Variants in RYR3 observed in about 807,000 individuals in gnomAD.
The protein encoded by RYR3 is brain ryanodine receptor-calcium release channel.
A neutral mutation model predicts 584.3 loss-of-function variants in RYR3; 207 were observed. That is an observed-to-expected ratio of 0.35 (90% CI 0.32 to 0.40). The LOEUF is 0.40. RYR3 is among the 10% of genes least tolerant of loss of function. The pLI, the probability that RYR3 is intolerant of heterozygous loss-of-function variation, is 1.00. For synonymous variants in RYR3, 2,416 were observed against 2,248.5 expected, an observed-to-expected ratio of 1.07 and a Z score of -2.11; for missense variants, 5,616 against 6,089.2, an observed-to-expected ratio of 0.92 and a Z score of 2.59.
chr15:33,445,194 G>GT lies in RYR3; in HGVS notation c.52-28224dup, dbSNP rs569963787. 7.2e-5 allele frequency among the ~76,000 whole-genome samples: 11 copies of GT among 152,322 alleles called. No homozygotes were observed. In the East Asian group the frequency reaches 1.9e-3, roughly 27 times the overall value. ...CACTGCAGTGGTCAGAGCAGAGGTG[G>GT]TGAGAGCTTGGGCTAGAGACTTAGC... On this transcript the variant is annotated intron_variant, in intron 1 of 103. Transcript: ENST00000634891.
intron 1 of RYR3, among the ~76,000 whole-genome samples, chr15:33,459,938 T>A (rs867784851): frequency 1.3e-5 from 2 of 152,284 alleles, no homozygotes; most frequent in Middle Eastern, 3.4e-3. Flanking sequence ...CAAATTCTAG[T>A]CTCGGTTACA....
At chr15:33,630,074 A>C (rs756394805) in intron 22 of RYR3, 31 bp downstream of exon 22, 3 of 1,213,752 alleles carry the variant, frequency 2.5e-6, no homozygotes. Flanking sequence ...AAGTTTTACA[A>C]ACAATGAATA....
chr15:33,587,679 T>A (rs1712491450), intron 16 of RYR3, among the ~76,000 whole-genome samples: 1 of 152,250 alleles, frequency 6.6e-6, no homozygotes, highest in South Asian at 2.1e-4. Context: ...AATGTGATCT[T>A]GGTACATAAG....
intron 2 of RYR3, among the ~76,000 whole-genome samples, chr15:33,484,882 G>T (rs970413997): frequency 7.9e-5 from 12 of 152,154 alleles, no homozygotes; most frequent in African/African-American, 2.9e-4. Flanking sequence ...TGACTTAAGA[G>T]TTCAAAAGAG....
intron 32 of RYR3, among the ~76,000 whole-genome samples, chr15:33,653,275 A>G (rs1398120912): frequency 6.6e-6 from 1 of 152,232 alleles, no homozygotes; most frequent in African/African-American, 2.4e-5. Context: ...AAACTTCTGT[A>G]CTCAAAATAG....
At position 33,588,464 on chromosome 15, in the gene RYR3, T is replaced by C. The variant is rs2058965789; in HGVS notation, c.1788+2348T>C. ...CCCTAGAAAGCATTTCCTTTGCTTTTTTTATTTATAAAAAAATAAGGGGTA... is the reference window on the plus strand; with the variant it reads ...CCCTAGAAAGCATTTCCTTTGCTTTCTTTATTTATAAAAAAATAAGGGGTA... On this transcript the variant is annotated intron_variant, in intron 16 of 103. Transcript: ENST00000634891. 1.3e-5 allele frequency among the ~76,000 whole-genome samples: 2 copies of C among 152,234 alleles called. 1 individual carries two copies. The highest frequency in any genetic ancestry group is 4.1e-4 in the South Asian group (2 of 4,826).
intron 18 of RYR3, among the ~76,000 whole-genome samples, chr15:33,606,613 C>T (rs1431395688): frequency 6.6e-6 from 1 of 152,170 alleles, no homozygotes; most frequent in Non-Finnish European, 1.5e-5. Flanking sequence ...TCTAACCCTC[C>T]CTACAGAGTC....
rs770626822 is a variant in RYR3 at position 33,830,984 on chromosome 15, T to C, written c.11356T>C (p.Trp3786Arg). 2 of 1,613,530 alleles carry C rather than the reference T, an allele frequency of 1.2e-6. No individual in the cohort carries two copies. The highest frequency in any genetic ancestry group is 1.7e-6 in the Non-Finnish European group (2 of 1,179,720). ...TTAGGAATCAATCAGTGATTTCTACTGGTATTATTCAGGGAAGGACATCAT... is the reference window on the plus strand; with the variant it reads ...TTAGGAATCAATCAGTGATTTCTACCGGTATTATTCAGGGAAGGACATCAT... ...RLQESISDFY[W>R]YYSGKDIIDE... Residue 3786 changes from tryptophan to arginine, a missense_variant, in exon 86 of 104, where the codon TGG becomes CGG. Physicochemically the swap from Trp to Arg is moderately radical, Grantham distance 101. Coordinates refer to ENST00000634891, the MANE Select transcript of RYR3 (RefSeq NM_001036.6).
intron 3 of RYR3, among the ~76,000 whole-genome samples, chr15:33,514,633 A>G (rs1363875001): frequency 6.7e-6 from 1 of 149,684 alleles, no homozygotes; most frequent in African/African-American, 2.5e-5. Context: ...TTTACACCTT[A>G]TATCTTCATA....
At chr15:33,823,875 A>G (rs1222021657) in intron 81 of RYR3, among the ~76,000 whole-genome samples, 1 of 152,192 alleles carries the variant, frequency 6.6e-6, no homozygotes, top group Non-Finnish European at 1.5e-5. Flanking sequence ...CTTTCCATTT[A>G]AAAATGTGGA....
chr15:33,508,421 G>A (rs1248420815), intron 3 of RYR3, among the ~76,000 whole-genome samples: 2 of 151,928 alleles, frequency 1.3e-5, no homozygotes, highest in South Asian at 4.2e-4. Flanking sequence ...AGGCTGAGGC[G>A]GGCGGATCAC....
intron 9 of RYR3, among the ~76,000 whole-genome samples, chr15:33,548,699 C>G (rs2056438872): frequency 6.6e-6 from 1 of 152,114 alleles, no homozygotes; most frequent in African/African-American, 2.4e-5. Context: ...CAGTTTTGTC[C>G]CTTGGTGGAA....
chr15:33,629,106 C>T (rs1400952231), intron 21 of RYR3, among the ~76,000 whole-genome samples: 1 of 152,218 alleles, frequency 6.6e-6, no homozygotes, highest in Non-Finnish European at 1.5e-5. Context: ...CTGACAGGGT[C>T]TCTGCACTCC....
intron 16 of RYR3, among the ~76,000 whole-genome samples, chr15:33,599,371 G>T (rs1393859307): frequency 2.0e-5 from 3 of 152,150 alleles, no homozygotes; most frequent in Non-Finnish European, 4.4e-5. Context: ...AAATCCTGAC[G>T]ACACGTGCCT....
At chr15:33,818,738 A>G in intron 76 of RYR3, 54 bp downstream of exon 76, 1 of 1,276,448 alleles carries the variant, frequency 7.8e-7, no homozygotes, top group South Asian at 1.2e-5. Context: ...ACTTGTGTCC[A>G]CTCCTGACCT....
intron 11 of RYR3, among the ~76,000 whole-genome samples, chr15:33,565,098 C>G (rs2339308): frequency 0.84 from 127,689 of 152,040 alleles, 54,320 homozygotes; most frequent in Middle Eastern, 0.94. Context: ...AGATTTCTCG[C>G]AGAGAAGGAA....
intron 2 of RYR3, among the ~76,000 whole-genome samples, chr15:33,473,885 T>C (rs16971458): frequency 0.14 from 21,804 of 152,150 alleles, 4,057 homozygotes; most frequent in African/African-American, 0.43. Flanking sequence ...GTGTGTTCTT[T>C]ACTCCCTGCT....
intron 1 of RYR3, among the ~76,000 whole-genome samples, chr15:33,436,076 C>T (rs760791283): frequency 4.6e-5 from 7 of 152,196 alleles, no homozygotes; most frequent in Non-Finnish European, 8.8e-5. Context: ...CAGAAAAGTT[C>T]TCTAAGTCCC....
chr15:33,581,936 A>C (rs2058615562), intron 14 of RYR3, among the ~76,000 whole-genome samples: 1 of 152,222 alleles, frequency 6.6e-6, no homozygotes, highest in Non-Finnish European at 1.5e-5. Flanking sequence ...ACGAGACTAG[A>C]ACACATTTAT....
Sources: allele counts gnomAD v4.1 joint callset (sites outside exome capture counted in the v4.1 genomes callset), GRCh38; gene constraint gnomAD v4.1.1; transcripts MANE v1.5; gene names NCBI Gene and HGNC (gene_info 2026-07-23, HGNC 2026-07-21).